The following ROBO1 variants were observed in gnomAD, a reference collection of about 807,000 sequenced individuals.
ROBO1 encodes roundabout homolog 1.
ROBO1 carries 149 observed loss-of-function variants against 195.9 expected under a neutral mutation model. That is an observed-to-expected ratio of 0.76 (90% CI 0.67 to 0.87). The LOEUF (loss-of-function observed/expected upper bound fraction) is 0.87, where lower values mean the gene tolerates loss of function less well. Ranked by LOEUF, ROBO1 falls within the 40% of genes least tolerant of loss-of-function variation. ROBO1 has a pLI of 0.00. For synonymous variants in ROBO1, 816 were observed against 733.2 expected (o/e 1.11, Z -1.82); for missense variants, 1,933 against 2,068.3 (o/e 0.93, Z 1.27).
At chr3:79,329,060 T>C (rs1474867112) in intron 2 of ROBO1, among the ~76,000 whole-genome samples, 1 of 152,254 alleles carries the variant, frequency 6.6e-6, no homozygotes, top group East Asian at 1.9e-4. Flanking sequence ...TTACAGATTT[T>C]GGAGGCACTA....
intron 3 of ROBO1, among the ~76,000 whole-genome samples, chr3:79,086,927 C>T (rs1254921372): frequency 6.6e-6 from 1 of 152,028 alleles, no homozygotes; most frequent in Non-Finnish European, 1.5e-5. Flanking sequence ...GGTGTCCTAA[C>T]ATATTTTCTA....
At chr3:79,451,044 TTTTA>T (rs1174652563) in intron 2 of ROBO1, among the ~76,000 whole-genome samples, 1 of 152,014 alleles carries the variant, frequency 6.6e-6, no homozygotes, top group Non-Finnish European at 1.5e-5. Context: ...TCTCCTTTCT[TTTTA>T]TTTTTCAATT....
intron 2 of ROBO1, among the ~76,000 whole-genome samples, chr3:79,408,855 C>T (rs1156698415): frequency 6.6e-6 from 1 of 152,016 alleles, no homozygotes; most frequent in African/African-American, 2.4e-5. Context: ...TTTCCAAGAG[C>T]AAAACCATAT....
At chr3:78,614,543 T>C in intron 28 of ROBO1, 105 bp downstream of exon 28, 1 of 1,262,458 alleles carries the variant, frequency 7.9e-7, no homozygotes, top group South Asian at 1.8e-5. Flanking sequence ...TGTTAATAAA[T>C]TTTTAATGTA....
intron 2 of ROBO1, among the ~76,000 whole-genome samples, chr3:79,145,307 T>C (rs2080623751): frequency 1.3e-5 from 2 of 151,542 alleles, no homozygotes; most frequent in African/African-American, 4.8e-5. Context: ...ACTTTTTAGA[T>C]TTATAGACTC....
At chr3:79,203,785 G>C (rs1353155544) in intron 2 of ROBO1, among the ~76,000 whole-genome samples, 1 of 152,128 alleles carries the variant, frequency 6.6e-6, no homozygotes, top group Non-Finnish European at 1.5e-5. Flanking sequence ...AGAGGATTAG[G>C]TGAATTACAC....
chr3:79,374,179 A>C (rs1313638148), intron 2 of ROBO1, among the ~76,000 whole-genome samples: 1 of 152,182 alleles, frequency 6.6e-6, no homozygotes, highest in Non-Finnish European at 1.5e-5. Flanking sequence ...TTTAGTGTAT[A>C]GAGGCTGGTG....
In ROBO1 at chr3:78,631,251, C is replaced by A; in HGVS notation, c.3536G>T (p.Gly1179Val). 2 of 1,613,468 alleles carry A rather than the reference C, an allele frequency of 1.2e-6. No homozygotes were observed. Among genetic ancestry groups the A allele is most frequent in the Non-Finnish European group, 8.5e-7 (1 of 1,179,664 alleles). Residue 1179 changes from glycine (G) to valine (V), a missense_variant, in exon 25 of 31, where the codon GGC becomes GTC. Gly to Val is a moderately radical substitution (Grantham distance 109, BLOSUM62 -3). This residue lies in a region of ROBO1 where 1,737 missense variants were observed against 1,882.5 expected (regional missense o/e 0.92). Transcript: ENST00000464233. Reference sequence around the variant, plus strand: ...AGGAAGCAGGTCTGCCCAGTTCATGCCACCCTGTTTTGGTACCTTGGGTGT... The same window carrying A: ...AGGAAGCAGGTCTGCCCAGTTCATGACACCCTGTTTTGGTACCTTGGGTGT... ...ARTPKVPKQG[G>V]MNWADLLPPP...
At chr3:79,299,139 G>A (rs1273470863) in intron 2 of ROBO1, among the ~76,000 whole-genome samples, 5 of 152,208 alleles carry the variant, frequency 3.3e-5, no homozygotes, top group South Asian at 2.1e-4. Context: ...AGGTAACATA[G>A]TTGTATTCTT....
chr3:78,759,342 C>A (rs539429506), intron 4 of ROBO1: 8 of 151,184 alleles, frequency 5.3e-5, no homozygotes, highest in African/African-American at 1.7e-4. Flanking sequence ...CCACGCATGT[C>A]ATCAAAGACT....
At position 78,861,743 on chromosome 3, in the gene ROBO1, T is replaced by C. The variant is rs146863884; in HGVS notation, c.499+76858A>G. 3.0e-3 allele frequency among the ~76,000 whole-genome samples: 461 copies of C among 152,306 alleles called. 7 individuals carry two copies. Among genetic ancestry groups the C allele is most frequent in the African/African-American group, 0.01 (426 of 41,568 alleles). ...CTTCCCATTAGAAATAACTGCAATT[T>C]CCTTTGTGTCCTCAGCCACCTTGTT... On this transcript the variant is annotated intron_variant, in intron 4 of 30. Coordinates refer to ENST00000464233, the MANE Select transcript of ROBO1 (RefSeq NM_002941.4).
chr3:79,457,238 T>A (rs2039645297), intron 2 of ROBO1, among the ~76,000 whole-genome samples: 2 of 152,198 alleles, frequency 1.3e-5, no homozygotes, highest in Non-Finnish European at 2.9e-5. Flanking sequence ...TCAACTGAAC[T>A]TTTGCAAAAT....
At position 79,626,463 on chromosome 3, in the gene ROBO1, A is replaced by C. The variant is rs987412061; in HGVS notation, c.-50-36502T>G. On this transcript the variant is annotated intron_variant, in intron 1 of 30. Transcript: ENST00000464233. ...ACAAAAACAAAAACAAAAACAAAAA[A>C]ACCTCTCAATAAACTAGGTATTGAT... Among the ~76,000 whole-genome samples, 4 of 152,200 alleles carry C rather than the reference A, an allele frequency of 2.6e-5. No homozygotes were observed. In the East Asian group the frequency reaches 7.7e-4, roughly 29 times the overall value.
At chr3:78,631,882 T>C (rs1046120741) in intron 24 of ROBO1, among the ~76,000 whole-genome samples, 7 of 152,258 alleles carry the variant, frequency 4.6e-5, no homozygotes, top group African/African-American at 1.7e-4. Flanking sequence ...GACAGAAGTG[T>C]TTTCAGCCAC....
chr3:79,311,415 G>T (rs1238631559), intron 2 of ROBO1, among the ~76,000 whole-genome samples: 1 of 152,152 alleles, frequency 6.6e-6, no homozygotes, highest in Non-Finnish European at 1.5e-5. Context: ...TTGTGACTCT[G>T]AATTTCTAAT....
intron 3 of ROBO1, among the ~76,000 whole-genome samples, chr3:79,037,562 A>T (rs2078402902): frequency 6.6e-6 from 1 of 152,164 alleles, no homozygotes; most frequent in South Asian, 2.1e-4. Context: ...CAGAATTTCC[A>T]TATATTACTA....
Position 78,661,210 on chromosome 3 carries a change from A to G in ROBO1, c.2140T>C (p.Ser714Pro). ...TCTGATTCTCCGTGGTTGGCTCCAG[A>G]TGGCCGATAGAGAATTTTATATCCT... ...IQGYKILYRP[S>P]GANHGESDWL... is the part of the protein sequence containing the mutation. Residue 714 changes from serine to proline, a missense_variant, in exon 16 of 31, where the codon TCT becomes CCT. Around this residue, in one of 3 missense-constraint regions of ROBO1, gnomAD observed 1,737 missense variants for 1,882.5 expected, o/e 0.92. Transcript: ENST00000464233. 6.2e-7 allele frequency: 1 copy of G among 1,613,346 alleles called. No individual in the cohort carries two copies. The highest frequency in any genetic ancestry group is 8.5e-7 in the Non-Finnish European group (1 of 1,179,584).
intron 2 of ROBO1, among the ~76,000 whole-genome samples, chr3:79,303,573 T>G (rs2033079663): frequency 6.6e-6 from 1 of 152,134 alleles, no homozygotes; most frequent in South Asian, 2.1e-4. Context: ...GAATAGAGCT[T>G]GCAAATTTAT....
chr3:78,722,060 A>G (rs543596545), intron 5 of ROBO1, among the ~76,000 whole-genome samples: 28 of 152,280 alleles, frequency 1.8e-4, no homozygotes, highest in African/African-American at 5.8e-4. Flanking sequence ...AGGAATTTGT[A>G]GTATACACCC....
Sources: gnomAD v4.1 joint callset for allele counts (sites outside exome capture counted in the v4.1 genomes callset) on GRCh38, gnomAD v4.1.1 for gene constraint, gnomAD v4.1.1 regional missense constraint, MANE v1.5 for transcripts, NCBI Gene and HGNC (gene_info 2026-07-23, HGNC 2026-07-21) for gene names.